PLXNB3: variants seen among roughly 807,000 people sequenced by gnomAD.
PLXNB3 encodes plexin B3.
Under a neutral mutation model 125.7 loss-of-function variants are expected in PLXNB3, and 80 were observed. That is an observed-to-expected ratio of 0.64 (90% CI 0.53 to 0.77). The LOEUF is 0.77. Ranked by LOEUF, PLXNB3 falls within the 30% of genes least tolerant of loss-of-function variation. The pLI is 0.00. For synonymous variants in PLXNB3, 954 were observed against 783.3 expected (o/e 1.22, Z -3.64); for missense variants, 1,836 against 1,729.3 (o/e 1.06, Z -1.09).
At chrX:153,776,505 A>G (rs1334767020) in intron 28 of PLXNB3, 46 bp downstream of exon 28, 10 of 192,787 alleles carry the variant, frequency 5.2e-5, no homozygotes, top group Non-Finnish European at 8.1e-5. Flanking sequence ...GGGGCGGGGC[A>G]GGGCGAGGCA....
At position 153,767,039 on chromosome X, in the gene PLXNB3, T is replaced by G; in HGVS notation, c.212T>G (p.Val71Gly). 1 of 1,210,836 alleles carries G rather than the reference T, an allele frequency of 8.3e-7. No individual in the cohort carries two copies. The highest frequency in any genetic ancestry group is 1.1e-6 in the Non-Finnish European group (1 of 895,472). The change falls in exon 3 of 36, where the codon GTG becomes GGG. Residue 71 changes from valine (V) to glycine (G), a missense_variant. Physicochemically the swap from Val to Gly is moderately radical, Grantham distance 109. Coordinates refer to ENST00000361971, the MANE Select transcript of PLXNB3 (RefSeq NM_005393.3). Reference protein sequence around the residue: ...PGRGTLYVGAVNRLFQLSPEL... With the variant: ...PGRGTLYVGAGNRLFQLSPEL... ...CGAGGCACACTCTATGTCGGCGCAG[T>G]GAACCGCCTCTTCCAGCTCAGCCCC...
intron 1 of PLXNB3, 27 bp downstream of exon 1, chrX:153,764,331 G>T (rs1490781479): frequency 8.8e-6 from 1 of 113,000 alleles, no homozygotes; most frequent in Admixed American, 9.3e-5. Context: ...GCAGGCTTGG[G>T]CTTGGGCTTG....
chrX:153,772,365 T>A, intron 16 of PLXNB3, 78 bp downstream of exon 16: 5 of 738,341 alleles, frequency 6.8e-6, no homozygotes, highest in Non-Finnish European at 1.0e-5. Flanking sequence ...CTAGTAAGGA[T>A]GTCAAGCTGG....
chrX:153,772,562 C>A, intron 16 of PLXNB3: 1 of 582,212 alleles, frequency 1.7e-6, no homozygotes, highest in Non-Finnish European at 2.5e-6. Flanking sequence ...TGGGTTCTGC[C>A]CAAAGAGGCA....
At chrX:153,775,440 G>A (rs1557063743) in intron 25 of PLXNB3, 37 bp downstream of exon 25, 1 of 1,183,369 alleles carries the variant, frequency 8.5e-7, no homozygotes, top group South Asian at 1.8e-5. Flanking sequence ...GGGGGTGAGG[G>A]CTTGCCACAG....
In PLXNB3 at chrX:153,769,171, A is replaced by G; in HGVS notation, c.1405A>G (p.Ile469Val). ...TCTGCTGCCCCTCCAGGTGGACCGGATACCTGTGGCAGCCTGCCCCCAGTT... is the reference window on the plus strand; with the variant it reads ...TCTGCTGCCCCTCCAGGTGGACCGGGTACCTGTGGCAGCCTGCCCCCAGTT... The part of the protein sequence containing the change: ...YVLTAHQVDR[I>V]PVAACPQFPD... The change falls in exon 6 of 36, where the codon ATA (isoleucine) becomes GTA (valine). Residue 469 changes from isoleucine to valine, a missense_variant. Transcript: ENST00000361971. The G allele has an allele frequency of 8.4e-7, 1 of 1,190,054 alleles. No homozygotes were observed.
rs781787695 is a variant in PLXNB3, at chrX:153,767,539, T to C, written c.712T>C (p.Phe238Leu). Residue 238 changes from phenylalanine to leucine, a missense_variant, in exon 3 of 36, where the codon TTT becomes CTT. Phe to Leu is a conservative substitution (Grantham distance 22, BLOSUM62 0). Coordinates refer to ENST00000361971, the MANE Select transcript of PLXNB3 (RefSeq NM_005393.3). ...CTACAACAACAGCTACGTCGGGGCC[T>C]TTGCCGACGCCCGCTCCGCCTACTT... ...SDYNNSYVGAFADARSAYFVF... is the reference protein window; with the variant it reads ...SDYNNSYVGALADARSAYFVF... 2 of 1,175,748 alleles carry C rather than the reference T, an allele frequency of 1.7e-6. No homozygotes were observed. Among genetic ancestry groups the C allele is most frequent in the Non-Finnish European group, 2.3e-6 (2 of 877,710 alleles).
Position 153,776,914 on chromosome X carries a change from G to C in PLXNB3, c.4861G>C (p.Val1621Leu). 8.3e-7 allele frequency: 1 copy of C among 1,198,473 alleles called. No homozygotes were observed. Among genetic ancestry groups the C allele is most frequent in the Non-Finnish European group, 1.1e-6 (1 of 888,187 alleles). Reference protein sequence around the residue: ...KVPDGATVGLVPQLHRGSTIS... With the variant: ...KVPDGATVGLLPQLHRGSTIS... ...CCCAGATGGAGCAACAGTGGGGCTC[G>C]TCCCTCAGCTGCACCGTGGCAGCAC... is the stretch of plus-strand genomic sequence containing the variant. The change falls in exon 29 of 36, where the codon GTC (valine) becomes CTC (leucine). Residue 1621 changes from valine to leucine, a missense_variant. Physicochemically the swap from Val to Leu is conservative, Grantham distance 32 (BLOSUM62 1). Coordinates refer to ENST00000361971, the MANE Select transcript of PLXNB3 (RefSeq NM_005393.3).
Position 153,776,188 on chromosome X carries a change from G to C in PLXNB3, c.4703G>C (p.Arg1568Thr). ...TACAAGGGCACCCCCTTCTCCCAGA[G>C]GCCCTCAGTGCATGCCCTAGACCTT... ...QVYKGTPFSQ[R>T]PSVHALDLEW... is the part of the protein sequence containing the mutation. Residue 1568 changes from arginine to threonine, a missense_variant, in exon 27 of 36, where the codon AGG becomes ACG. Transcript: ENST00000361971. 8.4e-7 allele frequency: 1 copy of C among 1,186,067 alleles called. No individual in the cohort carries two copies. The highest frequency in any genetic ancestry group is 1.1e-6 in the Non-Finnish European group (1 of 882,184).
Position 153,776,370 on chromosome X carries a change from C to G in PLXNB3, c.4744C>G (p.Leu1582Val). ...ACTCCCTCCAGAGTGGCGCTCAGGC[C>G]TGGCTGGTCACCTGACCCTATCGGA... ...HALDLEWRSG[L>V]AGHLTLSDED... is the part of the protein sequence containing the mutation. The change falls in exon 28 of 36, where the codon CTG becomes GTG. Residue 1582 changes from leucine to valine, a missense_variant. By Grantham distance (32) the Leu-to-Val change is conservative (BLOSUM62 1). Transcript: ENST00000361971. 8.4e-7 allele frequency: 1 copy of G among 1,196,109 alleles called. No homozygotes were observed. The highest frequency in any genetic ancestry group is 1.8e-5 in the African/African-American group (1 of 55,488).
Position 153,778,994 on chromosome X carries a change from GC to G in PLXNB3, c.5686del (p.Gln1896SerfsTer11). The G allele has an allele frequency of 8.3e-7, 1 of 1,198,126 alleles. No homozygotes were observed. On this transcript the variant is annotated frameshift_variant, in exon 36 of 36. Coordinates refer to ENST00000361971, the MANE Select transcript of PLXNB3 (RefSeq NM_005393.3). LOFTEE classifies it high-confidence loss of function. ...AGAAGCTGCAGCTGGCCTGCCGCCT[GC>G]AGCAGGTCGCCGCCCTGGTGGAAAA... ...GQKLQLACRL[Q>X]QVAALVENKV... is the part of the protein sequence containing the mutation.
Position 153,769,089 on chromosome X carries a change from C to T in PLXNB3, c.1395+13C>T, listed in dbSNP as rs2091893002. ...GACTGCCCACCAGGTGAGGGCCATCCTGGGGCTGAAGGGGCCAGCACACGC... is the reference window on the plus strand; with the variant it reads ...GACTGCCCACCAGGTGAGGGCCATCTTGGGGCTGAAGGGGCCAGCACACGC... On this transcript the variant is annotated intron_variant, in intron 5 of 35. Coordinates refer to ENST00000361971, the MANE Select transcript of PLXNB3 (RefSeq NM_005393.3). 4 of 1,207,276 alleles carry T rather than the reference C, an allele frequency of 3.3e-6. No homozygotes were observed. Among genetic ancestry groups the T allele is most frequent in the Non-Finnish European group, 4.5e-6 (4 of 892,423 alleles).
At chrX:153,764,441 C>T (rs181673314) in intron 1 of PLXNB3, 137 bp downstream of exon 1, 2 of 113,076 alleles carry the variant, frequency 1.8e-5, no homozygotes, top group Admixed American at 1.8e-4. Context: ...AGCCTGACGA[C>T]GGCACTAGGT....
intron 2 of PLXNB3, chrX:153,765,862 G>A: frequency 2.7e-6 from 2 of 754,408 alleles, no homozygotes; most frequent in Non-Finnish European, 3.1e-6. Flanking sequence ...TCTCTCTGTG[G>A]AGGGCAGGAG....
At chrX:153,772,392 A>G (rs1325876880) in intron 16 of PLXNB3, 105 bp downstream of exon 16, 3 of 602,528 alleles carry the variant, frequency 5.0e-6, no homozygotes, top group Non-Finnish European at 8.0e-6. Flanking sequence ...GGGGAGCAGG[A>G]AGCACCGCTG....
At position 153,771,591 on chromosome X, in the gene PLXNB3, G is replaced by A. The variant is rs781971591; in HGVS notation, c.2453G>A (p.Arg818His). 5.0e-6 allele frequency: 6 copies of A among 1,206,637 alleles called. No homozygotes were observed. The highest frequency in any genetic ancestry group is 2.2e-5 in the Admixed American group (1 of 45,831). Residue 818 changes from arginine to histidine, a missense_variant, in exon 14 of 36, where the codon CGC (arginine) becomes CAC (histidine). Arg to His is a conservative substitution (Grantham distance 29, BLOSUM62 0). Transcript: ENST00000361971. The part of the protein sequence containing the change: ...LWCADGQPAC[R>H]YGPLCPPGAV... ...TGTGCTGACGGCCAGCCTGCCTGTC[G>A]CTATGGGCCCTTGTGCCCGCCGGGG... is the stretch of plus-strand genomic sequence containing the variant.
chrX:153,771,949 A>G lies in PLXNB3; in HGVS notation c.2603A>G (p.Gln868Arg). ...CTGGGCCGGGCCTTCGCCGATGTGC[A>G]GTACGCCGTGAGCGTGGCCAGCCGG... ...SNLGRAFADV[Q>R]YAVSVASRPC... The change falls in exon 15 of 36, where the codon CAG becomes CGG. Residue 868 changes from glutamine (Q) to arginine (R), a missense_variant. By Grantham distance (43) the Gln-to-Arg change is conservative. Coordinates refer to ENST00000361971, the MANE Select transcript of PLXNB3 (RefSeq NM_005393.3). The G allele has an allele frequency of 8.3e-7, 1 of 1,209,400 alleles. No individual in the cohort carries two copies.
intron 28 of PLXNB3, 42 bp downstream of exon 28, chrX:153,776,501 GGGCAGGGCGA>G (rs1371517505): frequency 2.3e-6 from 1 of 428,702 alleles, no homozygotes; most frequent in Non-Finnish European, 3.9e-6. Flanking sequence ...GGCTGGGGCG[GGGCAGGGCGA>G]GGCAGGGCAG....
rs1304470777 is a variant in PLXNB3 at position 153,774,000 on chromosome X, G to A, written c.3421G>A (p.Gly1141Ser). 9.9e-6 allele frequency: 12 copies of A among 1,207,230 alleles called. No homozygotes were observed. The highest frequency in any genetic ancestry group is 1.3e-5 in the Non-Finnish European group (12 of 893,815). Residue 1141 changes from glycine to serine, a missense_variant, in exon 20 of 36, where the codon GGC (glycine) becomes AGC (serine). Coordinates refer to ENST00000361971, the MANE Select transcript of PLXNB3 (RefSeq NM_005393.3). ...VDFASASGGQGFLYQPNPRLA... is the reference protein window; with the variant it reads ...VDFASASGGQSFLYQPNPRLA... ...CTTCGCCAGTGCCAGTGGGGGCCAG[G>A]GCTTCCTGTACCAGCCCAACCCCCG... is the stretch of plus-strand genomic sequence containing the variant.
Sources: gnomAD v4.1 joint callset for allele counts on GRCh38, gnomAD v4.1.1 for gene constraint, MANE v1.5 for transcripts, NCBI Gene and HGNC (gene_info 2026-07-23, HGNC 2026-07-21) for gene names.